The following BNIP2 variants were observed in gnomAD, a reference collection of about 807,000 sequenced individuals.
BNIP2 encodes BCL2 interacting protein 2.
A neutral mutation model predicts 43.4 loss-of-function variants in BNIP2; 36 were observed. That is an observed-to-expected ratio of 0.83 (90% CI 0.64 to 1.10). The LOEUF (loss-of-function observed/expected upper bound fraction) is 1.10, where lower values mean the gene tolerates loss of function less well. Ranked by LOEUF, BNIP2 falls within the 50% of genes least tolerant of loss-of-function variation. The pLI, the probability that BNIP2 is intolerant of heterozygous loss-of-function variation, is 0.00. For synonymous variants in BNIP2, 146 were observed against 121.0 expected, an observed-to-expected ratio of 1.21 and a Z score of -1.35; for missense variants, 417 against 374.1, an observed-to-expected ratio of 1.11 and a Z score of -0.95.
intron 8 of BNIP2, 41 bp downstream of exon 8, chr15:59,669,235 T>A (rs764026317): frequency 3.7e-6 from 5 of 1,350,756 alleles, no homozygotes; most frequent in Middle Eastern, 2.3e-4. Context: ...AATAAATAAA[T>A]AAAAAAAATA....
intron 2 of BNIP2, among the ~76,000 whole-genome samples, chr15:59,681,501 T>C (rs1166693239): frequency 1.4e-5 from 2 of 146,482 alleles, no homozygotes; most frequent in African/African-American, 2.5e-5. Flanking sequence ...CAAGCTGGAG[T>C]GCAGCAGCGC....
Position 59,682,283 on chromosome 15 carries a change from C to T in BNIP2, c.50+125G>A, listed in dbSNP as rs893062520. 15 of 722,448 alleles carry T rather than the reference C, an allele frequency of 2.1e-5. No individual in the cohort carries two copies. In the East Asian group the frequency reaches 2.9e-4, roughly 14 times the overall value. The allele number at this position is 722,448 out of a possible 1,614,324, so 44.8% of individuals were successfully genotyped here. ...CGGAGGTTGCAGTGAGCTGAGATCG[C>T]GCCACTGCACTCCAGCCTGGGCAAC... On this transcript the variant is annotated intron_variant, in intron 2 of 9. Coordinates refer to ENST00000607373, the MANE Select transcript of BNIP2 (RefSeq NM_004330.4).
At chr15:59,673,055 C>A (rs568417243) in intron 5 of BNIP2, among the ~76,000 whole-genome samples, 134 of 151,648 alleles carry the variant, frequency 8.8e-4, no homozygotes, top group African/African-American at 3.1e-3. Context: ...CAATACAATA[C>A]AGACACAATA....
chr15:59,683,822 G>C (rs750339032), intron 1 of BNIP2, among the ~76,000 whole-genome samples: 2 of 152,164 alleles, frequency 1.3e-5, no homozygotes, highest in African/African-American at 4.8e-5. Context: ...AGTAGCAGAG[G>C]AAAGAGGGTG....
intron 5 of BNIP2, among the ~76,000 whole-genome samples, chr15:59,675,176 G>A (rs1344347467): frequency 2.6e-5 from 4 of 151,448 alleles, no homozygotes; most frequent in Non-Finnish European, 5.9e-5. Flanking sequence ...TTGAGCCTGG[G>A]AGGCAGAGGT....
intron 1 of BNIP2, among the ~76,000 whole-genome samples, chr15:59,683,752 G>C (rs71480543): frequency 6.6e-6 from 1 of 152,202 alleles, no homozygotes; most frequent in Non-Finnish European, 1.5e-5. Flanking sequence ...CTGGGAGGTG[G>C]AGGTTGCAGC....
intron 5 of BNIP2, 77 bp from the exon 6 acceptor site, chr15:59,672,816 G>C: frequency 1.0e-6 from 1 of 993,324 alleles, no homozygotes; most frequent in South Asian, 1.5e-5. Context: ...TGTATGATTA[G>C]TAAATTATAA....
At chr15:59,688,151 A>G (rs1301578081) in intron 1 of BNIP2, among the ~76,000 whole-genome samples, 2 of 152,250 alleles carry the variant, frequency 1.3e-5, no homozygotes, top group Non-Finnish European at 2.9e-5. Flanking sequence ...GACTAGGAAT[A>G]GAGTTTAGAG....
rs575883953 is a variant in BNIP2, at chr15:59,684,776, T to C, written c.-57-2262A>G. 1.6e-4 allele frequency among the ~76,000 whole-genome samples: 25 copies of C among 152,354 alleles called. 1 individual carries two copies. The South Asian group carries it at 5.2e-3, about 32-fold the overall frequency. ...TTGTGTGTTGAAAAACACACCAGGA[T>C]GTTGTCTGGGTGTCTTTTTCAAATA... On this transcript the variant is annotated intron_variant, in intron 1 of 9. Transcript: ENST00000607373.
intron 1 of BNIP2, 180 bp downstream of exon 1, chr15:59,688,955 A>T (rs2306357): frequency 0.42 from 604,147 of 1,441,402 alleles, 128,239 homozygotes; most frequent in East Asian, 0.56. Context: ...GGACCTAAGC[A>T]GGGCGGGGAT....
In BNIP2 at chr15:59,677,785, G is replaced by C. The variant is rs148090983; in HGVS notation, c.472+126C>G. The C allele has an allele frequency of 9.6e-6, 12 of 1,254,726 alleles. No individual in the cohort carries two copies. In the Admixed American group the frequency reaches 2.7e-4, roughly 29 times the overall value. 77.7% of individuals were successfully genotyped at this position (1,254,726 alleles called of 1,614,324 possible). Reference sequence around the variant, plus strand: ...GGAAGAAATGTCCTACAAAAGACGAGTCTCTCAACCTAGCGCCTGTGTTCT... The same window carrying C: ...GGAAGAAATGTCCTACAAAAGACGACTCTCTCAACCTAGCGCCTGTGTTCT... On this transcript the variant is annotated intron_variant, in intron 5 of 9. Transcript: ENST00000607373.
At position 59,677,897 on chromosome 15, in the gene BNIP2, T is replaced by C. The variant is rs1893407401; in HGVS notation, c.472+14A>G. The stretch of plus-strand genomic sequence containing the variant: ...TTGCATTAAACAATCTGAAAAATCC[T>C]CAGTAACTCTTACCCCCATGGCTGA... On this transcript the variant is annotated intron_variant, in intron 5 of 9. Transcript: ENST00000607373. 2 of 1,580,268 alleles carry C rather than the reference T, an allele frequency of 1.3e-6. No homozygotes were observed. Among genetic ancestry groups the C allele is most frequent in the Admixed American group, 2.0e-5 (1 of 49,748 alleles).
At chr15:59,685,142 A>G (rs1893930500) in intron 1 of BNIP2, among the ~76,000 whole-genome samples, 1 of 152,238 alleles carries the variant, frequency 6.6e-6, no homozygotes, top group South Asian at 2.1e-4. Flanking sequence ...ATCTTGGGAA[A>G]TTCTAGAAGA....
At chr15:59,688,818 C>G in intron 1 of BNIP2, 1 of 1,534,906 alleles carries the variant, frequency 6.5e-7, no homozygotes. Context: ...TCACCCACAC[C>G]AGGGTAAAAG....
chr15:59,673,013 T>C (rs2141998941), intron 5 of BNIP2, among the ~76,000 whole-genome samples: 1 of 152,328 alleles, frequency 6.6e-6, no homozygotes, highest in Non-Finnish European at 1.5e-5. Flanking sequence ...CCAGCCCTAT[T>C]TTAGCAGGTA....
chr15:59,681,629 T>G (rs1320564106), intron 2 of BNIP2, among the ~76,000 whole-genome samples: 1 of 152,062 alleles, frequency 6.6e-6, no homozygotes, highest in African/African-American at 2.4e-5. Flanking sequence ...GTATTTTTAG[T>G]AGAGACGGGG....
At position 59,674,300 on chromosome 15, in the gene BNIP2, T is replaced by C. The variant is rs148039023; in HGVS notation, c.473-1561A>G. On this transcript the variant is annotated intron_variant, in intron 5 of 9. Coordinates refer to ENST00000607373, the MANE Select transcript of BNIP2 (RefSeq NM_004330.4). ...AAAAGATTTGAACATTTCAAGAACATCAGAATCTTCACTACCTTTCTTAAT... is the reference window on the plus strand; with the variant it reads ...AAAAGATTTGAACATTTCAAGAACACCAGAATCTTCACTACCTTTCTTAAT... 5.3e-4 allele frequency among the ~76,000 whole-genome samples: 80 copies of C among 152,204 alleles called. 1 individual carries two copies. Among genetic ancestry groups the C allele is most frequent in the African/African-American group, 1.8e-3 (75 of 41,534 alleles).
At chr15:59,670,891 T>G (rs978889472) in intron 7 of BNIP2, among the ~76,000 whole-genome samples, 1 of 152,044 alleles carries the variant, frequency 6.6e-6, no homozygotes, top group African/African-American at 2.4e-5. Context: ...CTGACCAACA[T>G]GGAGAAACCC....
intron 5 of BNIP2, 146 bp downstream of exon 5, chr15:59,677,765 A>C: frequency 8.3e-7 from 1 of 1,205,500 alleles, no homozygotes; most frequent in Non-Finnish European, 1.1e-6. Context: ...TAGCAGGAAG[A>C]AATGTCCTAC....
Sources: allele counts gnomAD v4.1 joint callset (sites outside exome capture counted in the v4.1 genomes callset), GRCh38; gene constraint gnomAD v4.1.1; transcripts MANE v1.5; gene names NCBI Gene and HGNC (gene_info 2026-07-23, HGNC 2026-07-21).